AKT1: variants seen among roughly 807,000 people sequenced by gnomAD.
AKT1 encodes RAC-alpha serine/threonine-protein kinase.
AKT1 carries 21 observed loss-of-function variants against 63.1 expected under a neutral mutation model. The ratio of observed to expected loss-of-function variants is 0.33; its 90% CI spans 0.24 to 0.48. The LOEUF (loss-of-function observed/expected upper bound fraction) is 0.48. AKT1 is among the 20% of genes least tolerant of loss of function. AKT1 has a pLI of 0.99. For missense variants in AKT1, 382 were observed against 666.0 expected (o/e 0.57, Z 4.69); for synonymous variants, 257 against 253.1 (o/e 1.02, Z -0.15).
At chr14:104,775,839 C>A in intron 5 of AKT1, 40 bp from the exon 6 acceptor site, 1 of 1,600,896 alleles carries the variant, frequency 6.2e-7, no homozygotes. Flanking sequence ...TGTACCAGAT[C>A]AGGAGCTCCA....
intron 8 of AKT1, chr14:104,774,693 A>C (rs887502854): frequency 1.2e-5 from 7 of 562,160 alleles, no homozygotes; most frequent in African/African-American, 1.1e-4. Context: ...GGCAGAGTGC[A>C]AGGAAGACCA....
intron 13 of AKT1, chr14:104,771,967 A>G: frequency 2.8e-6 from 1 of 351,684 alleles, no homozygotes. Flanking sequence ...GAAGGGATTG[A>G]GGTCAAACAG....
chr14:104,790,217 C>A (rs1019588513), intron 3 of AKT1, among the ~76,000 whole-genome samples: 1 of 152,242 alleles, frequency 6.6e-6, no homozygotes, highest in Non-Finnish European at 1.5e-5. Flanking sequence ...GGAGTCCCGG[C>A]AAAGGGGACA....
chr14:104,773,660 C>T (rs1021679826), intron 9 of AKT1, 80 bp from the exon 10 acceptor site: 12 of 1,527,484 alleles, frequency 7.9e-6, no homozygotes, highest in South Asian at 2.5e-5. Context: ...TTTCTCAGAC[C>T]GGGTCTCGGC....
At position 104,772,380 on chromosome 14, in the gene AKT1, G is replaced by C. The variant is rs758476416; in HGVS notation, c.1245C>G (p.His415Gln). 6.2e-7 allele frequency: 1 copy of C among 1,613,858 alleles called. No individual in the cohort carries two copies. The highest frequency in any genetic ancestry group is 2.2e-5 in the East Asian group (1 of 44,868). ...HRFFAGIVWQ[H>Q]VYEKKLSPPF... is the part of the protein sequence containing the mutation. The stretch of plus-strand genomic sequence containing the variant: ...GCAGCCGCACCTTCTTCTCGTACAC[G>C]TGCTGCCACACGATACCGGCAAAGA... Residue 415 changes from histidine to glutamine, a missense_variant, in exon 13 of 15, where the codon CAC becomes CAG. By Grantham distance (24) the His-to-Gln change is conservative. Coordinates refer to ENST00000649815, the MANE Select transcript of AKT1 (RefSeq NM_001382430.1).
intron 3 of AKT1, among the ~76,000 whole-genome samples, chr14:104,782,682 C>T (rs1893124602): frequency 6.6e-6 from 1 of 152,174 alleles, no homozygotes; most frequent in Admixed American, 6.5e-5. Flanking sequence ...CCCACAGACC[C>T]AGGGAACAGA....
chr14:104,792,515 G>T, intron 3 of AKT1, 83 bp downstream of exon 3: 1 of 1,530,036 alleles, frequency 6.5e-7, no homozygotes. Flanking sequence ...CTCCCACCCA[G>T]CAGGGCACAG....
In AKT1 at chr14:104,773,104, G is replaced by A. The variant is rs1892489701; in HGVS notation, c.958-12C>T. ...TTGTCCTCCAGCACCTGCACGGGTG[G>A]CAGATGGGCAGGACTCGGCATCAAG... On this transcript the variant is annotated splice_polypyrimidine_tract_variant and intron_variant, in intron 11 of 14. Coordinates refer to ENST00000649815, the MANE Select transcript of AKT1 (RefSeq NM_001382430.1). 2 of 1,613,432 alleles carry A rather than the reference G, an allele frequency of 1.2e-6. No homozygotes were observed. Among genetic ancestry groups the A allele is most frequent in the African/African-American group, 1.3e-5 (1 of 74,922 alleles).
chr14:104,789,046 G>A (rs972314771), intron 3 of AKT1, among the ~76,000 whole-genome samples: 3 of 152,188 alleles, frequency 2.0e-5, no homozygotes, highest in Non-Finnish European at 4.4e-5. Flanking sequence ...AGCTTCCCTC[G>A]ACCCCCGCCC....
chr14:104,774,254 CACTGCCT>C, intron 8 of AKT1: 2 of 523,244 alleles, frequency 3.8e-6, no homozygotes, highest in Admixed American at 3.1e-5. Context: ...CCCCACACCA[CACTGCCT>C]CATGCCACGC....
intron 3 of AKT1, among the ~76,000 whole-genome samples, chr14:104,782,859 T>C (rs1893134068): frequency 6.6e-6 from 1 of 152,094 alleles, no homozygotes; most frequent in African/African-American, 2.4e-5. Context: ...TCTTCATCTC[T>C]CGCCTAGAGG....
At chr14:104,778,785 G>A (rs1455251776) in intron 4 of AKT1, among the ~76,000 whole-genome samples, 4 of 152,348 alleles carry the variant, frequency 2.6e-5, no homozygotes, top group Admixed American at 1.3e-4. Context: ...GGGAGTCGGA[G>A]GACCGCAGGC....
rs1197123275 is a variant in AKT1 at position 104,792,661 on chromosome 14, C to T, written c.-18G>A. 17 of 1,608,494 alleles carry T rather than the reference C, an allele frequency of 1.1e-5. No homozygotes were observed. The East Asian group carries it at 2.5e-4, about 23-fold the overall frequency. On this transcript the variant is annotated 5_prime_UTR_variant, in exon 3 of 15. Transcript: ENST00000649815. ...TCGCTCATGGTGCCCGAGGCTCCCG[C>T]GACGCTCACGCGCTCCTCTCAGGCT...
At chr14:104,780,751 G>A (rs1892990459) in intron 3 of AKT1, among the ~76,000 whole-genome samples, 1 of 152,024 alleles carries the variant, frequency 6.6e-6, no homozygotes, top group Non-Finnish European at 1.5e-5. Flanking sequence ...GGAGGATGGA[G>A]CATGGCGTCC....
At chr14:104,786,494 C>T (rs577327668) in intron 3 of AKT1, 1 of 152,292 alleles carries the variant, frequency 6.6e-6, no homozygotes, top group African/African-American at 2.4e-5. Flanking sequence ...TTGGGCAGGG[C>T]CCCTGGCGGT....
At chr14:104,793,075 G>C (rs1427541767) in intron 2 of AKT1, 52 bp downstream of exon 2, 1 of 268,582 alleles carries the variant, frequency 3.7e-6, no homozygotes, top group African/African-American at 2.2e-5. Context: ...ACCTCCCCCA[G>C]CCGTTGGACA....
intron 8 of AKT1, chr14:104,774,213 C>G: frequency 1.8e-6 from 1 of 551,256 alleles, no homozygotes; most frequent in Admixed American, 2.9e-5. Context: ...CATCACACTG[C>G]CCCCATGCCA....
In AKT1 at chr14:104,774,263, A is replaced by G; in HGVS notation, c.634-283T>C. 4.1e-6 allele frequency: 2 copies of G among 487,646 alleles called. 1 individual carries two copies. 30.2% of individuals were successfully genotyped at this position (487,646 alleles called of 1,614,324 possible). A position where few individuals can be genotyped will look rare whatever the true frequency, so the allele number is the denominator to read the frequency against. ...ACACTGCCCCACACCACACTGCCTC[A>G]TGCCACGCCACCATCAGGCTGGGCC... On this transcript the variant is annotated intron_variant, in intron 8 of 14. Coordinates refer to ENST00000649815, the MANE Select transcript of AKT1 (RefSeq NM_001382430.1).
chr14:104,785,352 G>A (rs1893279575), intron 3 of AKT1, among the ~76,000 whole-genome samples: 1 of 152,158 alleles, frequency 6.6e-6, no homozygotes, highest in Admixed American at 6.5e-5. Context: ...GCAGGGGAGG[G>A]GCCACACAAC....
Sources: allele counts gnomAD v4.1 joint callset (sites outside exome capture counted in the v4.1 genomes callset), GRCh38; gene constraint gnomAD v4.1.1; transcripts MANE v1.5; gene names NCBI Gene and HGNC (gene_info 2026-07-23, HGNC 2026-07-21).